RNF126: variants seen among roughly 807,000 people sequenced by gnomAD.
RNF126 encodes the protein E3 ubiquitin-protein ligase RNF126.
A neutral mutation model predicts 41.9 loss-of-function variants in RNF126; 20 were observed. That is an observed-to-expected ratio of 0.48 (90% CI 0.34 to 0.69). RNF126 has a LOEUF of 0.69. Among genes scored for constraint, RNF126 ranks in the 30% least tolerant of loss-of-function variants. The pLI is 0.01. For synonymous variants in RNF126, 239 were observed against 202.9 expected (o/e 1.18, Z -1.51); for missense variants, 433 against 460.6 (o/e 0.94, Z 0.55).
intron 1 of RNF126, among the ~76,000 whole-genome samples, chr19:657,657 T>G (rs956210582): frequency 6.6e-6 from 1 of 152,166 alleles, no homozygotes; most frequent in Non-Finnish European, 1.5e-5. Flanking sequence ...CTCACTCATA[T>G]CTGAAATCCG....
chr19:661,294 C>G (rs1323295014), intron 1 of RNF126: 2 of 152,622 alleles, frequency 1.3e-5, no homozygotes, highest in Admixed American at 6.5e-5. Context: ...CCAGGCTTCC[C>G]AGGGGCTTCC....
At chr19:651,904 C>A in intron 3 of RNF126, 49 bp from the exon 4 acceptor site, 1 of 1,528,112 alleles carries the variant, frequency 6.5e-7, no homozygotes, top group South Asian at 1.2e-5. Context: ...CCCGTGCAGT[C>A]TGCTGGGGGC....
chr19:661,385 C>T (rs1399019386), intron 1 of RNF126: 1 of 152,460 alleles, frequency 6.6e-6, no homozygotes, highest in Non-Finnish European at 1.5e-5. Context: ...GGCAACCAGC[C>T]TCTCCTGCCA....
rs549277353 is a variant in RNF126 at position 653,326 on chromosome 19, G to A, written c.76-442C>T. On this transcript the variant is annotated intron_variant, in intron 1 of 8. Coordinates refer to ENST00000292363, the MANE Select transcript of RNF126 (RefSeq NM_194460.3). Reference sequence around the variant, plus strand: ...GTTCCCCTGGCTCGGGGGAGGCCACGTCCACGCTGGCCACACCCCTGCAAG... The same window carrying A: ...GTTCCCCTGGCTCGGGGGAGGCCACATCCACGCTGGCCACACCCCTGCAAG... Among the ~76,000 whole-genome samples the A allele has an allele frequency of 5.8e-4, 89 of 152,300 alleles. 2 individuals are homozygous for A. The highest frequency in any genetic ancestry group is 2.0e-3 in the African/African-American group (82 of 41,566).
rs535742297 is a variant in RNF126, at chr19:656,704, GGCCCTGAGCTTAGTGT to G, written c.76-3836_76-3821del. ...GGAAGCAGCCAACGACCACCACTGT[GGCCCTGAGCTTAGTGT>G]GGGAGCAGTGTGGCTCTGCCACAGT... On this transcript the variant is annotated intron_variant, in intron 1 of 8. Coordinates refer to ENST00000292363, the MANE Select transcript of RNF126 (RefSeq NM_194460.3). Among the ~76,000 whole-genome samples the G allele has an allele frequency of 4.3e-4, 66 of 152,290 alleles. No individual in the cohort carries two copies. In the East Asian group the frequency reaches 0.011, roughly 25 times the overall value.
rs575733551 is a variant in RNF126 at position 647,970 on chromosome 19, G to A, written c.*158C>T. The A allele has an allele frequency of 4.7e-4, 423 of 907,874 alleles. No individual in the cohort carries two copies. Among genetic ancestry groups the A allele is most frequent in the Non-Finnish European group, 6.3e-4 (388 of 619,256 alleles). 56.2% of individuals were successfully genotyped at this position (907,874 alleles called of 1,614,324 possible). A position where few individuals can be genotyped will look rare whatever the true frequency, so the allele number is the denominator to read the frequency against. ...CCACGCCTTCCCAAGCCAGGGGGCC[G>A]GTGGGCCGGGCCCGGGTCCTGCCCT... On this transcript the variant is annotated 3_prime_UTR_variant, in exon 9 of 9. Transcript: ENST00000292363.
chr19:651,697 C>T lies in RNF126; in HGVS notation c.357G>A (p.Arg119=). Residue 119 remains arginine (R), a synonymous_variant, in exon 4 of 9, where the codon CGG becomes CGA. Coordinates refer to ENST00000292363, the MANE Select transcript of RNF126 (RefSeq NM_194460.3). The stretch of plus-strand genomic sequence containing the variant: ...GGGGCTGTCGGGCGCCGTACCGGTG[C>T]CGGGACGGATGGTCTCTCTCCCGCC... ...ESRRERDHPS[R]HRYGARQPRA... 6.2e-7 allele frequency: 1 copy of T among 1,600,382 alleles called. No individual in the cohort carries two copies. The highest frequency in any genetic ancestry group is 8.5e-7 in the Non-Finnish European group (1 of 1,174,568).
chr19:652,301 G>A lies in RNF126; in HGVS notation c.135-5C>T, dbSNP rs1266320926. The stretch of plus-strand genomic sequence containing the variant: ...GCAGAACCATTTTCTGTGCTCCTGG[G>A]GAGAGAGTGCAGGTCAGCAGTGCCG... On this transcript the variant is annotated splice_polypyrimidine_tract_variant and splice_region_variant and intron_variant, in intron 2 of 8. Coordinates refer to ENST00000292363, the MANE Select transcript of RNF126 (RefSeq NM_194460.3). The A allele has an allele frequency of 6.4e-7, 1 of 1,558,438 alleles. No individual in the cohort carries two copies. The highest frequency in any genetic ancestry group is 8.6e-7 in the Non-Finnish European group (1 of 1,157,650).
intron 2 of RNF126, 167 bp downstream of exon 2, chr19:652,659 G>C (rs1437025349): frequency 1.5e-6 from 1 of 658,712 alleles, no homozygotes; most frequent in African/African-American, 1.8e-5. Flanking sequence ...CATCACAGAA[G>C]AGAACGGCAC....
At chr19:652,523 G>C (rs541807137) in intron 2 of RNF126, 4 of 599,510 alleles carry the variant, frequency 6.7e-6, no homozygotes, top group African/African-American at 3.7e-5. Context: ...TCCTAAGCGT[G>C]AGAATGTGGG....
chr19:649,485 C>T (rs1273665323), intron 6 of RNF126, 194 bp downstream of exon 6: 13 of 584,756 alleles, frequency 2.2e-5, no homozygotes, highest in Admixed American at 6.0e-5. Context: ...AGGAGAACCC[C>T]CAAAGTTGCC....
At chr19:656,680 G>A (rs999969587) in intron 1 of RNF126, among the ~76,000 whole-genome samples, 1 of 152,080 alleles carries the variant, frequency 6.6e-6, no homozygotes, top group African/African-American at 2.4e-5. Flanking sequence ...AGGGGAAGGG[G>A]AAGCAGCCAA....
At chr19:652,538 G>GA in intron 2 of RNF126, 1 of 600,462 alleles carries the variant, frequency 1.7e-6, no homozygotes, top group Non-Finnish European at 2.9e-6. Flanking sequence ...TGTGGGTAGG[G>GA]CCCCCGTGGC....
chr19:653,944 G>C (rs1184228050), intron 1 of RNF126, among the ~76,000 whole-genome samples: 1 of 152,200 alleles, frequency 6.6e-6, no homozygotes, highest in Admixed American at 6.5e-5. Flanking sequence ...GCTGTGAGGG[G>C]AGCCAAGGTC....
chr19:662,939 G>C (rs1428631858), intron 1 of RNF126, 108 bp downstream of exon 1: 1 of 420,636 alleles, frequency 2.4e-6, no homozygotes, highest in Non-Finnish European at 3.8e-6. Flanking sequence ...TTCCCGTCGT[G>C]GTCAGCTCGC....
intron 4 of RNF126, among the ~76,000 whole-genome samples, chr19:650,897 T>C (rs2030244314): frequency 6.6e-6 from 1 of 152,138 alleles, no homozygotes; most frequent in African/African-American, 2.4e-5. Context: ...CAGCCTCAGC[T>C]ACTTTTTAAA....
chr19:652,239 C>A lies in RNF126; in HGVS notation c.192G>T (p.Pro64=). The change falls in exon 3 of 9, where the codon CCG becomes CCT. Residue 64 remains proline (P), a synonymous_variant. Coordinates refer to ENST00000292363, the MANE Select transcript of RNF126 (RefSeq NM_194460.3). ...STAPTDQSRP[P]LEHVDQHLFT... ...CGAGGGGCGGGCGACTCACCTCCAA[C>A]GGTGGCCGGCTCTGGTCTGTGGGAG... 1 of 1,532,942 alleles carries A rather than the reference C, an allele frequency of 6.5e-7. No homozygotes were observed. The highest frequency in any genetic ancestry group is 8.7e-7 in the Non-Finnish European group (1 of 1,151,546). The allele number at this position is 1,532,942 out of a possible 1,614,324, so 95.0% of individuals were successfully genotyped here.
chr19:650,923 C>T (rs1474791873), intron 4 of RNF126, among the ~76,000 whole-genome samples: 1 of 152,038 alleles, frequency 6.6e-6, no homozygotes, highest in Non-Finnish European at 1.5e-5. Context: ...GAGATGGGGC[C>T]TCCCTACATT....
chr19:648,945 G>T lies in RNF126; in HGVS notation c.607C>A (p.Pro203Thr). 7.0e-7 allele frequency: 1 copy of T among 1,431,622 alleles called. No individual in the cohort carries two copies. Among genetic ancestry groups the T allele is most frequent in the Non-Finnish European group, 9.2e-7 (1 of 1,092,146 alleles). The allele number at this position is 1,431,622 out of a possible 1,614,324, so 88.7% of individuals were successfully genotyped here. The change falls in exon 7 of 9, where the codon CCA (proline) becomes ACA (threonine). Residue 203 changes from proline (P) to threonine (T), a missense_variant. By Grantham distance (38) the Pro-to-Thr change is conservative (BLOSUM62 -1). Transcript: ENST00000292363. ...LLNQFENTGP[P>T]PADKEKIQAL... is the part of the protein sequence containing the mutation. Reference sequence around the variant, plus strand: ...TGGATTTTCTCTTTATCTGCCGGTGGGGGGCCTGTGTTTTCAAACTGATTG... The same window carrying T: ...TGGATTTTCTCTTTATCTGCCGGTGTGGGGCCTGTGTTTTCAAACTGATTG...
Sources: allele counts gnomAD v4.1 joint callset (sites outside exome capture counted in the v4.1 genomes callset), GRCh38; gene constraint gnomAD v4.1.1; transcripts MANE v1.5; gene names NCBI Gene and HGNC (gene_info 2026-07-23, HGNC 2026-07-21).